The following GRXCR1 variants were observed in gnomAD, a reference collection of about 807,000 sequenced individuals.
GRXCR1 encodes glutaredoxin and cysteine rich domain containing 1.
Under a neutral mutation model 27.3 loss-of-function variants are expected in GRXCR1, and 27 were observed. The observed-to-expected ratio is 0.99, with a 90% CI of 0.73 to 1.37. The LOEUF (loss-of-function observed/expected upper bound fraction) is 1.37, where lower values mean the gene tolerates loss of function less well. Ranked by LOEUF, GRXCR1 falls within the 40% of genes most tolerant of loss-of-function variation. The pLI is 0.00. For missense variants in GRXCR1, 379 were observed against 354.4 expected, an observed-to-expected ratio of 1.07 and a Z score of -0.56; for synonymous variants, 122 against 131.1, an observed-to-expected ratio of 0.93 and a Z score of 0.47.
At chr4:43,027,258 TGAAA>T (rs1224521886) in intron 3 of GRXCR1, among the ~76,000 whole-genome samples, 1 of 152,220 alleles carries the variant, frequency 6.6e-6, no homozygotes, top group African/African-American at 2.4e-5. Flanking sequence ...ATCCTTTGAA[TGAAA>T]GAGAGATCTA....
chr4:42,904,928 A>G (rs1347710900), intron 1 of GRXCR1, among the ~76,000 whole-genome samples: 1 of 152,192 alleles, frequency 6.6e-6, no homozygotes, highest in African/African-American at 2.4e-5. Flanking sequence ...TAAATTTTAT[A>G]GAGATTCTGT....
intron 1 of GRXCR1, among the ~76,000 whole-genome samples, chr4:42,916,799 A>G (rs1020374237): frequency 2.0e-5 from 3 of 152,106 alleles, no homozygotes; most frequent in Non-Finnish European, 2.9e-5. Context: ...TCCTCATCAA[A>G]GTTCTACATC....
intron 1 of GRXCR1, among the ~76,000 whole-genome samples, chr4:42,915,347 A>G (rs1411367007): frequency 6.6e-6 from 1 of 152,114 alleles, no homozygotes; most frequent in Admixed American, 6.6e-5. Flanking sequence ...TTGCACCAGC[A>G]TTTTCATTTC....
At chr4:42,971,875 T>A (rs546731125) in intron 2 of GRXCR1, among the ~76,000 whole-genome samples, 132 of 152,308 alleles carry the variant, frequency 8.7e-4, no homozygotes, top group Middle Eastern at 3.4e-3. Context: ...AGATGGGAAG[T>A]TAGTTTTCTA....
In GRXCR1 at chr4:43,030,531, T is replaced by C; in HGVS notation, c.864T>C (p.Cys288=). 6.2e-7 allele frequency: 1 copy of C among 1,614,040 alleles called. No homozygotes were observed. Among genetic ancestry groups the C allele is most frequent in the Non-Finnish European group, 8.5e-7 (1 of 1,179,882 alleles). The part of the protein sequence containing the change: ...NENGLQRCKN[C]AG ...ATGGTCTTCAGCGTTGTAAGAACTG[T>C]GCTGGTTAATTGGAGCTTCTACCCA... The change falls in exon 4 of 4, where the codon TGT becomes TGC. Residue 288 remains cysteine, a synonymous_variant. Transcript: ENST00000399770.
intron 2 of GRXCR1, among the ~76,000 whole-genome samples, chr4:42,982,861 G>A (rs1711536609): frequency 6.6e-6 from 1 of 151,538 alleles, no homozygotes; most frequent in African/African-American, 2.4e-5. Context: ...CTTCTTTTGA[G>A]AAGTGTCTGT....
intron 2 of GRXCR1, among the ~76,000 whole-genome samples, chr4:43,018,476 C>T (rs529337697): frequency 6.6e-6 from 1 of 152,282 alleles, no homozygotes; most frequent in African/African-American, 2.4e-5. Context: ...GTGGAATCTT[C>T]TCCCGTGGTA....
At chr4:42,898,811 T>TTC (rs147701771) in intron 1 of GRXCR1, among the ~76,000 whole-genome samples, 17,619 of 151,996 alleles carry the variant, frequency 0.12, 1,282 homozygotes, top group African/African-American at 0.2. Flanking sequence ...TTATGTAGTG[T>TTC]TCTGTCAAGA....
intron 2 of GRXCR1, among the ~76,000 whole-genome samples, chr4:42,985,476 A>G (rs189276258): frequency 1.3e-5 from 2 of 152,304 alleles, no homozygotes. Context: ...GTTAATAAAC[A>G]TTTTAATAAG....
At chr4:42,948,661 T>A (rs6820359) in intron 1 of GRXCR1, among the ~76,000 whole-genome samples, 24 of 151,826 alleles carry the variant, frequency 1.6e-4, no homozygotes, top group Non-Finnish European at 2.9e-4. Context: ...CCTGTGAATA[T>A]GTTAATTTAC....
chr4:42,918,888 G>T (rs1746944881), intron 1 of GRXCR1, among the ~76,000 whole-genome samples: 1 of 151,836 alleles, frequency 6.6e-6, no homozygotes, highest in Non-Finnish European at 1.5e-5. Context: ...CTAGAGTTTT[G>T]TTCATGTGAA....
At chr4:42,897,676 G>T (rs931690141) in intron 1 of GRXCR1, among the ~76,000 whole-genome samples, 1 of 151,970 alleles carries the variant, frequency 6.6e-6, no homozygotes, top group African/African-American at 2.4e-5. Flanking sequence ...TTGCTGCTAA[G>T]AACAAAGTAT....
chr4:42,990,174 T>TC (rs1711920589), intron 2 of GRXCR1, among the ~76,000 whole-genome samples: 1 of 6,950 alleles, frequency 1.4e-4, no homozygotes, highest in Non-Finnish European at 2.7e-4. Context: ...TTATTAGTTC[T>TC]TTTTTTTTTT....
At chr4:42,909,397 G>A (rs1445674528) in intron 1 of GRXCR1, among the ~76,000 whole-genome samples, 2 of 152,058 alleles carry the variant, frequency 1.3e-5, no homozygotes, top group African/African-American at 2.4e-5. Context: ...CTCTGGAAGT[G>A]GGGATACTAG....
chr4:42,901,661 A>G (rs1711932302), intron 1 of GRXCR1, among the ~76,000 whole-genome samples: 1 of 152,188 alleles, frequency 6.6e-6, no homozygotes, highest in Non-Finnish European at 1.5e-5. Context: ...AGATTAGGAC[A>G]TGGGTAGCTA....
intron 1 of GRXCR1, among the ~76,000 whole-genome samples, chr4:42,906,725 A>T (rs1234767407): frequency 6.6e-6 from 1 of 152,184 alleles, no homozygotes; most frequent in Middle Eastern, 3.2e-3. Context: ...CCTTCATTGA[A>T]TGCCTACATG....
intron 1 of GRXCR1, among the ~76,000 whole-genome samples, chr4:42,911,945 A>C (rs1746730139): frequency 6.6e-6 from 1 of 152,122 alleles, no homozygotes; most frequent in South Asian, 2.1e-4. Context: ...CTTGCAGCAG[A>C]GGGTTTATGT....
intron 3 of GRXCR1, among the ~76,000 whole-genome samples, chr4:43,026,112 T>C (rs1166124465): frequency 6.6e-6 from 1 of 152,184 alleles, no homozygotes; most frequent in Non-Finnish European, 1.5e-5. Flanking sequence ...TTTCATCAAC[T>C]TCAGTTATTC....
At chr4:42,961,431 C>T (rs1391251179) in intron 1 of GRXCR1, among the ~76,000 whole-genome samples, 1 of 151,868 alleles carries the variant, frequency 6.6e-6, no homozygotes, top group Non-Finnish European at 1.5e-5. Flanking sequence ...AGAAAATTTC[C>T]TATAAAAATC....
Sources: allele counts gnomAD v4.1 joint callset (sites outside exome capture counted in the v4.1 genomes callset), GRCh38; gene constraint gnomAD v4.1.1; transcripts MANE v1.5; gene names NCBI Gene and HGNC (gene_info 2026-07-23, HGNC 2026-07-21).